Variants in EHBP1 observed in about 807,000 individuals in gnomAD.
EHBP1 encodes EH domain-binding protein 1.
EHBP1 carries 55 observed loss-of-function variants against 144.0 expected under a neutral mutation model. The observed-to-expected ratio is 0.38, with a 90% CI of 0.31 to 0.48. The LOEUF (loss-of-function observed/expected upper bound fraction) is 0.48, where lower values mean the gene tolerates loss of function less well. EHBP1 is among the 20% of genes least tolerant of loss of function. The pLI, the probability that EHBP1 is intolerant of heterozygous loss-of-function variation, is 0.98. For missense variants in EHBP1, 1,200 were observed against 1,364.2 expected, an observed-to-expected ratio of 0.88 and a Z score of 1.90; for synonymous variants, 469 against 472.7, an observed-to-expected ratio of 0.99 and a Z score of 0.10.
intron 1 of EHBP1, among the ~76,000 whole-genome samples, chr2:62,677,076 G>A (rs1457320417): frequency 1.3e-5 from 2 of 152,152 alleles, no homozygotes; most frequent in Non-Finnish European, 2.9e-5. Flanking sequence ...GGGAGGGACA[G>A]GTAGAGCTGG....
chr2:62,946,623 C>T (rs2057087411), intron 12 of EHBP1, among the ~76,000 whole-genome samples: 1 of 152,144 alleles, frequency 6.6e-6, no homozygotes, highest in African/African-American at 2.4e-5. Flanking sequence ...GCAGTAACTC[C>T]TCCTTACCAA....
chr2:62,936,857 A>G (rs1553479687), intron 10 of EHBP1, among the ~76,000 whole-genome samples: 1 of 152,188 alleles, frequency 6.6e-6, no homozygotes, highest in Non-Finnish European at 1.5e-5. Context: ...TTTTGGGTTC[A>G]CCAAATGCTT....
At chr2:62,748,462 T>A (rs986758203) in intron 3 of EHBP1, among the ~76,000 whole-genome samples, 2 of 152,170 alleles carry the variant, frequency 1.3e-5, no homozygotes, top group Admixed American at 6.5e-5. Flanking sequence ...AAGACCAGCC[T>A]GGGAAACATA....
Position 62,764,362 on chromosome 2 carries a change from G to A in EHBP1, c.258+1G>A. On this transcript the variant is annotated splice_donor_variant, in intron 4 of 22. Coordinates refer to ENST00000431489, the MANE Select transcript of EHBP1 (RefSeq NM_001142616.3). LOFTEE classifies it high-confidence loss of function. The stretch of plus-strand genomic sequence containing the variant: ...TGAAATCACTGTAACACTTTTTAAG[G>A]TAAGTTCCATTTTTATAGGCTATAG... The A allele has an allele frequency of 6.4e-7, 1 of 1,565,508 alleles. No individual in the cohort carries two copies. Among genetic ancestry groups the A allele is most frequent in the Non-Finnish European group, 8.6e-7 (1 of 1,160,484 alleles).
At chr2:62,751,160 C>T (rs1042101837) in intron 3 of EHBP1, among the ~76,000 whole-genome samples, 1 of 152,128 alleles carries the variant, frequency 6.6e-6, no homozygotes, top group Admixed American at 6.5e-5. Context: ...TACGTCCCAT[C>T]AATACCGAAT....
intron 2 of EHBP1, among the ~76,000 whole-genome samples, chr2:62,709,818 A>G (rs979952835): frequency 6.6e-6 from 1 of 152,172 alleles, no homozygotes; most frequent in Admixed American, 6.5e-5. Flanking sequence ...AGAACTTAAT[A>G]CCAGAATTAT....
chr2:62,926,435 C>T (rs1009865422), intron 10 of EHBP1, among the ~76,000 whole-genome samples: 2 of 151,858 alleles, frequency 1.3e-5, no homozygotes, highest in Non-Finnish European at 2.9e-5. Context: ...ACTACTCATT[C>T]GATGGAGGAT....
At chr2:62,730,971 TTTGA>T (rs1183859787) in intron 2 of EHBP1, among the ~76,000 whole-genome samples, 37 of 143,072 alleles carry the variant, frequency 2.6e-4, no homozygotes, top group Non-Finnish European at 3.1e-5. Flanking sequence ...TTGTGGGGAG[TTTGA>T]TTGATACTGC....
intron 2 of EHBP1, among the ~76,000 whole-genome samples, chr2:62,729,514 A>AATATTATAT: frequency 8.8e-6 from 1 of 113,824 alleles, no homozygotes; most frequent in African/African-American, 3.5e-5. Context: ...AAATATAATA[A>AATATTATAT]AATAAATAAA....
chr2:62,898,303 G>A (rs992629587), intron 10 of EHBP1, among the ~76,000 whole-genome samples: 3 of 152,134 alleles, frequency 2.0e-5, no homozygotes, highest in African/African-American at 4.8e-5. Context: ...TTATTGAATT[G>A]TCAGGCACAG....
At chr2:62,989,313 G>A (rs780645835) in intron 15 of EHBP1, among the ~76,000 whole-genome samples, 1 of 151,990 alleles carries the variant, frequency 6.6e-6, no homozygotes, top group Non-Finnish European at 1.5e-5. Flanking sequence ...ACATCCATAA[G>A]TACTGGATTT....
At chr2:62,694,038 C>T (rs1456399190) in intron 1 of EHBP1, among the ~76,000 whole-genome samples, 1 of 152,058 alleles carries the variant, frequency 6.6e-6, no homozygotes, top group African/African-American at 2.4e-5. Context: ...TTTCTTCTAA[C>T]AGTTTTATAG....
intron 13 of EHBP1, among the ~76,000 whole-genome samples, chr2:62,952,740 G>A (rs1333592410): frequency 3.3e-5 from 5 of 152,172 alleles, no homozygotes; most frequent in Non-Finnish European, 5.9e-5. Flanking sequence ...TTCAAAGTCT[G>A]TGCTTCTCCA....
Position 62,681,340 on chromosome 2 carries a change from G to GTGTATATATATATA in EHBP1, c.-296+7258_-296+7259insGTATATATATATAT, listed in dbSNP as rs1171760462. Among the ~76,000 whole-genome samples the GTGTATATATATATA allele has an allele frequency of 2.2e-4, 13 of 58,556 alleles. 1 individual carries two copies. Among genetic ancestry groups the GTGTATATATATATA allele is most frequent in the South Asian group, 1.2e-3 (2 of 1,672 alleles). 38.4% of individuals were successfully genotyped at this position (58,556 alleles called of 152,430 possible). ...TATATATTTGTATGTATGTGTGTGTGTATATATATATATATATATAATGTG... is the reference window on the plus strand; with the variant it reads ...TATATATTTGTATGTATGTGTGTGTGTGTATATATATATATATATATATATATATATATAATGTG... On this transcript the variant is annotated intron_variant, in intron 1 of 22. Transcript: ENST00000405015.
At chr2:63,037,084 T>C (rs1368674081) in intron 19 of EHBP1, among the ~76,000 whole-genome samples, 2 of 151,882 alleles carry the variant, frequency 1.3e-5, no homozygotes, top group African/African-American at 4.8e-5. Flanking sequence ...GGGAGGAAAA[T>C]AAGAAAATAG....
intron 5 of EHBP1, among the ~76,000 whole-genome samples, chr2:62,786,321 A>G (rs957310175): frequency 1.3e-5 from 2 of 152,082 alleles, no homozygotes; most frequent in Non-Finnish European, 2.9e-5. Context: ...GATTACTTTC[A>G]TGGCAGCTAA....
intron 14 of EHBP1, among the ~76,000 whole-genome samples, chr2:62,969,027 A>G (rs1395104833): frequency 6.6e-6 from 1 of 152,194 alleles, no homozygotes; most frequent in African/African-American, 2.4e-5. Context: ...TTATTCTTAT[A>G]ATTTTTTTAA....
chr2:62,943,866 C>T lies in EHBP1; in HGVS notation c.1413+16C>T. ...CAACAAAAAGGTAAGAATTGATGAG[C>T]AAGAAAAATACGTAGTTTCAATTTT... is the stretch of plus-strand genomic sequence containing the variant. On this transcript the variant is annotated intron_variant, in intron 12 of 22. Transcript: ENST00000431489. 1 of 1,582,418 alleles carries T rather than the reference C, an allele frequency of 6.3e-7. No individual in the cohort carries two copies. Among genetic ancestry groups the T allele is most frequent in the Non-Finnish European group, 8.6e-7 (1 of 1,157,640 alleles).
At position 63,032,566 on chromosome 2, in the gene EHBP1, C is replaced by CAA. The variant is rs35237077; in HGVS notation, c.3104-4944_3104-4943dup. 5.1e-3 allele frequency among the ~76,000 whole-genome samples: 144 copies of CAA among 28,198 alleles called. 11 individuals carry two copies. The highest frequency in any genetic ancestry group is 5.2e-3 in the Non-Finnish European group (77 of 14,850). The allele number at this position is 28,198 out of a possible 152,430, so 18.5% of individuals were successfully genotyped here. On this transcript the variant is annotated intron_variant, in intron 19 of 22. Coordinates refer to ENST00000431489, the MANE Select transcript of EHBP1 (RefSeq NM_001142616.3). The stretch of plus-strand genomic sequence containing the variant: ...TGGGCGACAGAGCGAGACTCTGTCT[C>CAA]AAAAAAAAAAAAAAAAAAAAAAAAA...
Sources: allele counts gnomAD v4.1 joint callset (sites outside exome capture counted in the v4.1 genomes callset), GRCh38; gene constraint gnomAD v4.1.1; transcripts MANE v1.5; gene names NCBI Gene and HGNC (gene_info 2026-07-23, HGNC 2026-07-21).